Variants in DIAPH2 observed in about 807,000 individuals in gnomAD.
DIAPH2 encodes the protein protein diaphanous homolog 2.
Under a neutral mutation model 92.7 loss-of-function variants are expected in DIAPH2, and 35 were observed. The observed-to-expected ratio is 0.38, with a 90% CI of 0.29 to 0.50. The LOEUF (loss-of-function observed/expected upper bound fraction) is 0.50. DIAPH2 is among the 20% of genes least tolerant of loss of function. The probability of loss-of-function intolerance (pLI) is 0.94; values close to 1 mark genes in which losing one functional copy is unlikely to be tolerated. For missense variants in DIAPH2, 701 were observed against 819.5 expected (o/e 0.86, Z 1.77); for synonymous variants, 301 against 280.4 (o/e 1.07, Z -0.73).
chrX:96,816,770 A>T (rs1255133733), intron 4 of DIAPH2, among the ~76,000 whole-genome samples: 2 of 112,063 alleles, frequency 1.8e-5, no homozygotes, highest in Non-Finnish European at 3.8e-5. Flanking sequence ...GGATATGTGC[A>T]CTCCTATGTT....
intron 26 of DIAPH2, among the ~76,000 whole-genome samples, chrX:97,509,958 G>A (rs1258548095): frequency 7.2e-5 from 8 of 110,406 alleles, no homozygotes; most frequent in East Asian, 2.8e-4. Context: ...GAATAGTGCC[G>A]CAATAAACAT....
At chrX:97,218,926 A>G (rs754453726) in intron 22 of DIAPH2, among the ~76,000 whole-genome samples, 13 of 112,127 alleles carry the variant, frequency 1.2e-4, no homozygotes, top group Non-Finnish European at 1.9e-4. Context: ...TATGGAACCC[A>G]TGGATACAGA....
intron 26 of DIAPH2, among the ~76,000 whole-genome samples, chrX:97,449,458 T>A (rs754972837): frequency 9.8e-5 from 11 of 112,338 alleles, no homozygotes; most frequent in Non-Finnish European, 2.1e-4. Flanking sequence ...TTTTGTTTTA[T>A]GATTTTTGTA....
intron 22 of DIAPH2, among the ~76,000 whole-genome samples, chrX:97,223,448 T>C (rs1482869409): frequency 9.0e-6 from 1 of 111,463 alleles, no homozygotes; most frequent in Non-Finnish European, 1.9e-5. Flanking sequence ...AGTTTTTGGG[T>C]AGAAAATGGT....
intron 22 of DIAPH2, among the ~76,000 whole-genome samples, chrX:97,180,714 T>C (rs2147464114): frequency 8.9e-6 from 1 of 112,150 alleles, no homozygotes; most frequent in South Asian, 3.7e-4. Context: ...ATTTTAGTTT[T>C]CTGCATATGG....
chrX:97,462,165 CAT>C (rs2147802728), intron 26 of DIAPH2, among the ~76,000 whole-genome samples: 1 of 112,022 alleles, frequency 8.9e-6, no homozygotes, highest in East Asian at 2.8e-4. Flanking sequence ...CTATAGCTCA[CAT>C]ATCCTTTTAA....
intron 26 of DIAPH2, among the ~76,000 whole-genome samples, chrX:97,526,557 C>T (rs1181043823): frequency 9.0e-6 from 1 of 110,511 alleles, no homozygotes; most frequent in Admixed American, 9.6e-5. Context: ...GTATCCATTC[C>T]AGCATAGTGC....
chrX:97,591,198 T>TTC (rs2071514662), intron 26 of DIAPH2, among the ~76,000 whole-genome samples: 3 of 112,035 alleles, frequency 2.7e-5, no homozygotes, highest in Non-Finnish European at 5.6e-5. Context: ...CCCTATCTTT[T>TTC]AAGGCTTAAC....
Position 96,881,576 on chromosome X carries a change from T to C in DIAPH2, c.448-3T>C. 5.8e-6 allele frequency: 7 copies of C among 1,199,646 alleles called. No homozygotes were observed. The highest frequency in any genetic ancestry group is 7.9e-6 in the Non-Finnish European group (7 of 890,415). On this transcript the variant is annotated splice_region_variant and splice_polypyrimidine_tract_variant and intron_variant, in intron 4 of 26. Coordinates refer to ENST00000324765, the MANE Select transcript of DIAPH2 (RefSeq NM_006729.5). The stretch of plus-strand genomic sequence containing the variant: ...TAAAATGGTCTCTTTGTTTATTTTA[T>C]AGGGTGGGCTGAAAAACAGCAAACA...
At chrX:97,454,337 A>G (rs1283726111) in intron 26 of DIAPH2, among the ~76,000 whole-genome samples, 1 of 111,563 alleles carries the variant, frequency 9.0e-6, no homozygotes, top group Non-Finnish European at 1.9e-5. Context: ...ATAATATCTT[A>G]AAAAACAAAA....
chrX:97,247,571 C>G, intron 22 of DIAPH2, 144 bp from the exon 23 acceptor site: 1 of 449,899 alleles, frequency 2.2e-6, no homozygotes, highest in Admixed American at 4.4e-5. Flanking sequence ...TTTTTATAAG[C>G]AGTAATTCAG....
At chrX:96,776,342 C>T (rs1341620306) in intron 4 of DIAPH2, among the ~76,000 whole-genome samples, 1 of 110,141 alleles carries the variant, frequency 9.1e-6, no homozygotes, top group Admixed American at 9.8e-5. Flanking sequence ...TCCTGAGTAG[C>T]TGGGACTACA....
intron 5 of DIAPH2, among the ~76,000 whole-genome samples, chrX:96,883,105 T>C (rs3138313): frequency 4.0e-4 from 44 of 110,304 alleles, no homozygotes; most frequent in Middle Eastern, 4.7e-3. Flanking sequence ...TAATATATAA[T>C]AGGTCTAAGT....
chrX:97,540,249 A>AT (rs972899794), intron 26 of DIAPH2, among the ~76,000 whole-genome samples: 9 of 111,477 alleles, frequency 8.1e-5, no homozygotes, highest in African/African-American at 2.9e-4. Context: ...AATTTTTTAC[A>AT]TTTTTTTAAG....
At chrX:96,907,122 C>T (rs2065438635) in intron 5 of DIAPH2, among the ~76,000 whole-genome samples, 1 of 111,769 alleles carries the variant, frequency 8.9e-6, no homozygotes, top group Admixed American at 9.5e-5. Context: ...TATGTTAATA[C>T]CTTAAAAAGT....
chrX:97,599,110 T>G, intron 26 of DIAPH2, 143 bp from the exon 27 acceptor site: 1 of 346,117 alleles, frequency 2.9e-6, no homozygotes, highest in Non-Finnish European at 5.2e-6. Flanking sequence ...ACTCCTCAGA[T>G]CTGAGTTCCT....
intron 4 of DIAPH2, among the ~76,000 whole-genome samples, chrX:96,773,585 A>G (rs2064355079): frequency 8.9e-6 from 1 of 111,780 alleles, no homozygotes; most frequent in Non-Finnish European, 1.9e-5. Flanking sequence ...GATGTGGCTC[A>G]TGCCTGTAAT....
intron 4 of DIAPH2, among the ~76,000 whole-genome samples, chrX:96,763,496 C>T (rs2064281924): frequency 9.0e-6 from 1 of 111,282 alleles, no homozygotes; most frequent in South Asian, 3.7e-4. Context: ...AAATATGTCA[C>T]TTTGATTTCA....
At chrX:97,451,442 A>G (rs2070357865) in intron 26 of DIAPH2, among the ~76,000 whole-genome samples, 1 of 111,663 alleles carries the variant, frequency 9.0e-6, no homozygotes. Context: ...TTTGGTGCAG[A>G]TATCTTCTAG....
Sources: gnomAD v4.1 joint callset for allele counts (sites outside exome capture counted in the v4.1 genomes callset) on GRCh38, gnomAD v4.1.1 for gene constraint, MANE v1.5 for transcripts, NCBI Gene and HGNC (gene_info 2026-07-23, HGNC 2026-07-21) for gene names.